Variants in RCSD1 observed in about 807,000 individuals in gnomAD.
RCSD1 encodes capZ-interacting protein.
In RCSD1, 26 loss-of-function variants were observed where a neutral mutation model predicts 42.5. The ratio of observed to expected loss-of-function variants is 0.61; its 90% CI spans 0.45 to 0.85. RCSD1 has a LOEUF of 0.85. Ranked by LOEUF, RCSD1 falls within the 40% of genes least tolerant of loss-of-function variation. The pLI, the probability that RCSD1 is intolerant of heterozygous loss-of-function variation, is 0.00. For missense variants in RCSD1, 571 were observed against 528.3 expected, an observed-to-expected ratio of 1.08 and a Z score of -0.79; for synonymous variants, 220 against 212.2, an observed-to-expected ratio of 1.04 and a Z score of -0.32.
chr1:167,689,413 C>T lies in RCSD1; in HGVS notation c.199-636C>T, dbSNP rs190638767. 2.4e-3 allele frequency among the ~76,000 whole-genome samples: 352 copies of T among 146,100 alleles called. 1 individual carries two copies. The highest frequency in any genetic ancestry group is 8.7e-3 in the African/African-American group (344 of 39,334). On this transcript the variant is annotated intron_variant, in intron 3 of 6. Transcript: ENST00000367854. ...AGGAGAATTGCTTGAACCCAGGAGG[C>T]GAAGGTTGCAGTGAGCCGAGATTGC...
At position 167,708,418 on chromosome 1, in the gene RCSD1, A is replaced by C. The variant is rs1234493604; in HGVS notation, c.*3722A>C. On this transcript the variant is annotated 3_prime_UTR_variant, in exon 7 of 7. Coordinates refer to ENST00000367854, the MANE Select transcript of RCSD1 (RefSeq NM_052862.4). ...TAGTCAAGTTTTTGCTCGATGGACC[A>C]CGTGAAAAAAGGATAAACAATGTCT... Among the ~76,000 whole-genome samples the C allele has an allele frequency of 6.6e-6, 1 of 152,210 alleles. No homozygotes were observed. Among genetic ancestry groups the C allele is most frequent in the Non-Finnish European group, 1.5e-5 (1 of 68,038 alleles).
Position 167,630,721 on chromosome 1 carries a change from TAAAAAAAAAAAAA to T in RCSD1, c.6+312_6+324del, listed in dbSNP as rs71097689. Reference sequence around the variant, plus strand: ...GTATTTTGGCTAGGAACTTAAATGCTAAAAAAAAAAAAAAAAAAAAAAAAAAAAAAAAGTTAGG... The same window carrying T: ...GTATTTTGGCTAGGAACTTAAATGCTAAAAAAAAAAAAAAAAAAAGTTAGG... On this transcript the variant is annotated intron_variant, in intron 1 of 6. Coordinates refer to ENST00000367854, the MANE Select transcript of RCSD1 (RefSeq NM_052862.4). The T allele has an allele frequency of 9.8e-4, 32 of 32,600 alleles. 1 individual carries two copies. The highest frequency in any genetic ancestry group is 3.8e-3 in the East Asian group (3 of 790). 2.0% of individuals were successfully genotyped at this position (32,600 alleles called of 1,614,324 possible). A position where few individuals can be genotyped will look rare whatever the true frequency, so the allele number is the denominator to read the frequency against.
intron 1 of RCSD1, among the ~76,000 whole-genome samples, chr1:167,666,324 G>A (rs1477099905): frequency 6.6e-6 from 1 of 152,184 alleles, no homozygotes; most frequent in East Asian, 1.9e-4. Flanking sequence ...ATGAATCCAT[G>A]TCACAGAGGT....
chr1:167,690,141 C>T (rs1257039209), intron 4 of RCSD1, 21 bp downstream of exon 4: 7 of 1,609,686 alleles, frequency 4.3e-6, no homozygotes, highest in Non-Finnish European at 5.1e-6. Context: ...AATTCATTGT[C>T]TATTGCTACC....
At chr1:167,651,801 A>T (rs115232279) in intron 1 of RCSD1, among the ~76,000 whole-genome samples, 3,189 of 152,164 alleles carry the variant, frequency 0.021, 102 homozygotes, top group African/African-American at 0.074. Context: ...CATGGCAGGG[A>T]ACAGGGTGGG....
chr1:167,630,403 C>G lies in RCSD1; in HGVS notation c.-21C>G. 1 of 1,521,892 alleles carries G rather than the reference C, an allele frequency of 6.6e-7. No individual in the cohort carries two copies. Among genetic ancestry groups the G allele is most frequent in the Non-Finnish European group, 8.8e-7 (1 of 1,131,358 alleles). 94.3% of individuals were successfully genotyped at this position (1,521,892 alleles called of 1,614,324 possible). ...CCCGGGCGAGCGGGTGCGTCTGCCG[C>G]AGAGTCGGCACCTGAAGGACATGGA... is the stretch of plus-strand genomic sequence containing the variant. On this transcript the variant is annotated 5_prime_UTR_variant, in exon 1 of 7. Coordinates refer to ENST00000367854, the MANE Select transcript of RCSD1 (RefSeq NM_052862.4).
At chr1:167,647,154 G>T (rs1005957833) in intron 1 of RCSD1, among the ~76,000 whole-genome samples, 6 of 136,832 alleles carry the variant, frequency 4.4e-5, no homozygotes, top group Non-Finnish European at 6.3e-5. Context: ...GAGAGAAGGG[G>T]GTAGAGGCAA....
intron 3 of RCSD1, among the ~76,000 whole-genome samples, chr1:167,686,905 T>A (rs1659249364): frequency 6.6e-6 from 1 of 152,188 alleles, no homozygotes; most frequent in Non-Finnish European, 1.5e-5. Context: ...CCATACCGAA[T>A]CATTTTTCTT....
chr1:167,662,988 C>G (rs895611707), intron 1 of RCSD1, among the ~76,000 whole-genome samples: 1 of 152,184 alleles, frequency 6.6e-6, no homozygotes, highest in Non-Finnish European at 1.5e-5. Context: ...TCTTAGGAAG[C>G]GTCCTTTGCA....
chr1:167,663,725 C>A (rs963609023), intron 1 of RCSD1: 1 of 152,276 alleles, frequency 6.6e-6, no homozygotes, highest in Non-Finnish European at 1.5e-5. Context: ...CCTTAGAATT[C>A]TTCAGGGCCA....
At chr1:167,657,213 G>C (rs894921578) in intron 1 of RCSD1, among the ~76,000 whole-genome samples, 1 of 152,304 alleles carries the variant, frequency 6.6e-6, no homozygotes, top group Admixed American at 6.5e-5. Flanking sequence ...GTGAATACAT[G>C]ACTCCTTTGG....
chr1:167,704,740 C>G lies in RCSD1; in HGVS notation c.*44C>G. 1 of 1,591,394 alleles carries G rather than the reference C, an allele frequency of 6.3e-7. No homozygotes were observed. The highest frequency in any genetic ancestry group is 8.6e-7 in the Non-Finnish European group (1 of 1,160,826). ...CCAGTGATGAAGTTGCTGGACACAT[C>G]TCTTTGCAGGTAGCAGCAACAGTTG... On this transcript the variant is annotated 3_prime_UTR_variant, in exon 7 of 7. Transcript: ENST00000367854.
At position 167,708,270 on chromosome 1, in the gene RCSD1, CA is replaced by C. The variant is rs1659807511; in HGVS notation, c.*3578del. On this transcript the variant is annotated 3_prime_UTR_variant, in exon 7 of 7. Coordinates refer to ENST00000367854, the MANE Select transcript of RCSD1 (RefSeq NM_052862.4). ...CAAAGTGAAATCAGGGTGCTGTTAC[CA>C]AAAGAAGCTATGCTGGCAGGCAAAA... Among the ~76,000 whole-genome samples the C allele has an allele frequency of 6.6e-6, 1 of 152,168 alleles. No individual in the cohort carries two copies. Among genetic ancestry groups the C allele is most frequent in the Non-Finnish European group, 1.5e-5 (1 of 68,040 alleles).
intron 1 of RCSD1, among the ~76,000 whole-genome samples, chr1:167,683,435 A>G (rs1276591179): frequency 6.6e-6 from 1 of 152,166 alleles, no homozygotes. Flanking sequence ...TATTAATTCC[A>G]CAAATATTTA....
intron 1 of RCSD1, among the ~76,000 whole-genome samples, chr1:167,659,574 A>G (rs1042587454): frequency 2.4e-4 from 37 of 152,282 alleles, no homozygotes; most frequent in African/African-American, 8.4e-4. Flanking sequence ...TGAACTGCAG[A>G]GCCAGGCGTG....
chr1:167,689,918 G>A lies in RCSD1; in HGVS notation c.199-131G>A, dbSNP rs919008062. 8.1e-5 allele frequency: 63 copies of A among 781,334 alleles called. No homozygotes were observed. In the African/African-American group the frequency reaches 8.3e-4, roughly 10 times the overall value. The allele number at this position is 781,334 out of a possible 1,614,324, so 48.4% of individuals were successfully genotyped here. A position where few individuals can be genotyped will look rare whatever the true frequency, so the allele number is the denominator to read the frequency against. Reference sequence around the variant, plus strand: ...CGCCCAGGCCCTAATGAAGTATGTGGGCTACTGAACTAATGAGAAAGTGGC... The same window carrying A: ...CGCCCAGGCCCTAATGAAGTATGTGAGCTACTGAACTAATGAGAAAGTGGC... On this transcript the variant is annotated intron_variant, in intron 3 of 6. Transcript: ENST00000367854.
Position 167,697,659 on chromosome 1 carries a change from G to A in RCSD1, c.1035G>A (p.Val345=). The stretch of plus-strand genomic sequence containing the variant: ...AGAAGCTGGAGGAGGGAGCTGCAGT[G>A]AAGGAGACCCCCCACAGTCCCCCTG... The part of the protein sequence containing the change: ...ETKKLEEGAA[V]KETPHSPPGG... Residue 345 remains valine, a synonymous_variant, in exon 6 of 7, where the codon GTG becomes GTA. Coordinates refer to ENST00000367854, the MANE Select transcript of RCSD1 (RefSeq NM_052862.4). 1 of 1,605,640 alleles carries A rather than the reference G, an allele frequency of 6.2e-7. No individual in the cohort carries two copies. Among genetic ancestry groups the A allele is most frequent in the Non-Finnish European group, 8.5e-7 (1 of 1,176,194 alleles).
chr1:167,694,449 T>G, intron 5 of RCSD1, 147 bp downstream of exon 5: 1 of 741,790 alleles, frequency 1.3e-6, no homozygotes, highest in Non-Finnish European at 2.2e-6. Flanking sequence ...GTGAAATTTC[T>G]CCTCTCCTTT....
chr1:167,638,218 T>C (rs1218646394), intron 1 of RCSD1, among the ~76,000 whole-genome samples: 1 of 152,220 alleles, frequency 6.6e-6, no homozygotes, highest in African/African-American at 2.4e-5. Flanking sequence ...AGATATGTTT[T>C]GATGAATAAT....
Sources: allele counts gnomAD v4.1 joint callset (sites outside exome capture counted in the v4.1 genomes callset), GRCh38; gene constraint gnomAD v4.1.1; transcripts MANE v1.5; gene names NCBI Gene and HGNC (gene_info 2026-07-23, HGNC 2026-07-21).